LEKR1: variants seen among roughly 807,000 people sequenced by gnomAD.
The protein encoded by LEKR1 is protein LEKR1.
Under a neutral mutation model 72.4 loss-of-function variants are expected in LEKR1, and 59 were observed. That is an observed-to-expected ratio of 0.82 (90% CI 0.66 to 1.01). The LOEUF (loss-of-function observed/expected upper bound fraction) is 1.01. Among genes scored for constraint, LEKR1 ranks in the 50% least tolerant of loss-of-function variants. LEKR1 has a pLI of 0.00. For synonymous variants in LEKR1, 257 were observed against 263.2 expected (o/e 0.98, Z 0.23); for missense variants, 728 against 759.2 (o/e 0.96, Z 0.48).
intron 6 of LEKR1, among the ~76,000 whole-genome samples, chr3:156,966,394 A>G (rs1469383180): frequency 6.6e-6 from 1 of 152,194 alleles, no homozygotes; most frequent in Non-Finnish European, 1.5e-5. Flanking sequence ...GAAAGGGGTG[A>G]CAGACAGCAC....
chr3:157,035,782 CCAGCTA>C (rs1734927327), intron 12 of LEKR1, among the ~76,000 whole-genome samples: 1 of 152,084 alleles, frequency 6.6e-6, no homozygotes, highest in Non-Finnish European at 1.5e-5. Context: ...ATCTGTAATC[CCAGCTA>C]CTTGGGAGGC....
chr3:156,870,407 T>C (rs4474996), intron 3 of LEKR1, among the ~76,000 whole-genome samples: 5,862 of 152,150 alleles, frequency 0.039, 410 homozygotes, highest in African/African-American at 0.13. Context: ...TAAAGGTTTT[T>C]CACCTCCTTG....
At chr3:156,928,681 A>G (rs1319638629) in intron 5 of LEKR1, among the ~76,000 whole-genome samples, 1 of 152,026 alleles carries the variant, frequency 6.6e-6, no homozygotes, top group Non-Finnish European at 1.5e-5. Context: ...GAGAGCTCAA[A>G]TTTTGCATAT....
chr3:156,869,018 G>C (rs1345855201), intron 3 of LEKR1, among the ~76,000 whole-genome samples: 1 of 152,014 alleles, frequency 6.6e-6, no homozygotes, highest in Admixed American at 6.6e-5. Context: ...TGCTGCAAAT[G>C]GCATGATTTC....
intron 3 of LEKR1, among the ~76,000 whole-genome samples, chr3:156,890,247 G>A (rs73025882): frequency 0.018 from 2,784 of 152,138 alleles, 92 homozygotes; most frequent in African/African-American, 0.063. Context: ...CAATAAAATA[G>A]CATATAAAGT....
chr3:156,888,979 T>C lies in LEKR1; in HGVS notation c.264-31596T>C, dbSNP rs1240640250. Among the ~76,000 whole-genome samples, 3 of 152,228 alleles carry C rather than the reference T, an allele frequency of 2.0e-5. No homozygotes were observed. The East Asian group carries it at 5.8e-4, about 29-fold the overall frequency. On this transcript the variant is annotated intron_variant, in intron 3 of 12. Coordinates refer to ENST00000356539, the MANE Select transcript of LEKR1 (RefSeq NM_001004316.3). ...TTTCTAGTAAATGCTAAATCATAGATTTCTTTATTAATAATCTTGTTTTCT... is the reference window on the plus strand; with the variant it reads ...TTTCTAGTAAATGCTAAATCATAGACTTCTTTATTAATAATCTTGTTTTCT...
chr3:156,954,064 G>GT (rs2107978040), intron 6 of LEKR1, among the ~76,000 whole-genome samples: 1 of 152,058 alleles, frequency 6.6e-6, no homozygotes, highest in Non-Finnish European at 1.5e-5. Flanking sequence ...CATTCTGACT[G>GT]GTGTAAGATG....
intron 9 of LEKR1, among the ~76,000 whole-genome samples, chr3:157,003,494 C>T (rs1416484487): frequency 6.6e-6 from 1 of 152,132 alleles, no homozygotes. Flanking sequence ...AGGGCTGGTT[C>T]CCTCTGCAGG....
At chr3:156,894,943 A>C (rs1721023036) in intron 3 of LEKR1, among the ~76,000 whole-genome samples, 1 of 152,212 alleles carries the variant, frequency 6.6e-6, no homozygotes, top group South Asian at 2.1e-4. Flanking sequence ...CCCTAGAAGA[A>C]AATTGAGGCA....
chr3:156,932,391 CA>C (rs1725302804), intron 5 of LEKR1, among the ~76,000 whole-genome samples: 1 of 151,950 alleles, frequency 6.6e-6, no homozygotes, highest in Admixed American at 6.6e-5. Flanking sequence ...TAAATTTAGG[CA>C]AATAGAGGAA....
At chr3:156,859,247 T>C (rs1716458897) in intron 3 of LEKR1, among the ~76,000 whole-genome samples, 1 of 152,200 alleles carries the variant, frequency 6.6e-6, no homozygotes. Context: ...AAAATGAATA[T>C]GGATTTATCA....
intron 3 of LEKR1, among the ~76,000 whole-genome samples, chr3:156,883,457 G>A (rs1291104864): frequency 3.9e-5 from 6 of 152,200 alleles, no homozygotes; most frequent in Admixed American, 3.9e-4. Flanking sequence ...TGGTTTTGAA[G>A]TGTGAGGACA....
chr3:157,009,150 C>A (rs901650761), intron 9 of LEKR1, among the ~76,000 whole-genome samples: 14 of 151,988 alleles, frequency 9.2e-5, no homozygotes, highest in African/African-American at 3.4e-4. Flanking sequence ...TTATGTTATA[C>A]TTCTACGTAT....
At chr3:156,835,200 G>A (rs1267238714) in intron 2 of LEKR1, among the ~76,000 whole-genome samples, 1 of 152,204 alleles carries the variant, frequency 6.6e-6, no homozygotes, top group Non-Finnish European at 1.5e-5. Context: ...AGGTGAAACA[G>A]GATAGAGAAC....
chr3:156,874,834 A>C (rs1380503802), intron 3 of LEKR1, among the ~76,000 whole-genome samples: 1 of 152,168 alleles, frequency 6.6e-6, no homozygotes, highest in African/African-American at 2.4e-5. Context: ...ATGGTCTCCA[A>C]CCACATCCAG....
chr3:156,940,876 C>T (rs1039806839), intron 5 of LEKR1, among the ~76,000 whole-genome samples: 2 of 152,112 alleles, frequency 1.3e-5, no homozygotes, highest in African/African-American at 4.8e-5. Flanking sequence ...ATAGGTGACA[C>T]CACGTGTGTG....
intron 3 of LEKR1, among the ~76,000 whole-genome samples, chr3:156,909,509 G>A (rs558392435): frequency 4.6e-5 from 7 of 152,050 alleles, no homozygotes; most frequent in African/African-American, 1.4e-4. Context: ...AATTTAGCTG[G>A]GTGTGGTGGC....
intron 5 of LEKR1, among the ~76,000 whole-genome samples, chr3:156,936,111 T>C (rs966036655): frequency 6.6e-6 from 1 of 152,132 alleles, no homozygotes; most frequent in Non-Finnish European, 1.5e-5. Flanking sequence ...TTTACTTAAA[T>C]TTATTAAACA....
chr3:156,855,656 A>G (rs186765928), intron 3 of LEKR1, among the ~76,000 whole-genome samples: 19 of 152,216 alleles, frequency 1.2e-4, no homozygotes, highest in Non-Finnish European at 2.5e-4. Flanking sequence ...TTTTGTGTCA[A>G]GTTCTTTTAG....
Sources: allele counts gnomAD v4.1 joint callset (sites outside exome capture counted in the v4.1 genomes callset), GRCh38; gene constraint gnomAD v4.1.1; transcripts MANE v1.5; gene names NCBI Gene and HGNC (gene_info 2026-07-23, HGNC 2026-07-21).